Variants in RORA observed in about 807,000 individuals in gnomAD.
RORA encodes the protein nuclear receptor ROR-alpha.
A neutral mutation model predicts 69.5 loss-of-function variants in RORA; 7 were observed. That is an observed-to-expected ratio of 0.10 (90% CI 0.06 to 0.19). The LOEUF (loss-of-function observed/expected upper bound fraction) is 0.19. RORA is among the 10% of genes least tolerant of loss of function. RORA has a pLI of 1.00. For missense variants in RORA, 457 were observed against 663.0 expected, an observed-to-expected ratio of 0.69 and a Z score of 3.41; for synonymous variants, 261 against 240.8, an observed-to-expected ratio of 1.08 and a Z score of -0.78.
chr15:60,610,678 T>C (rs1466085158), intron 2 of RORA, among the ~76,000 whole-genome samples: 1 of 151,722 alleles, frequency 6.6e-6, no homozygotes, highest in Admixed American at 6.6e-5. Context: ...TGTTACTAAG[T>C]AGGCAGTGAT....
intron 1 of RORA, among the ~76,000 whole-genome samples, chr15:61,157,657 A>G (rs2079456527): frequency 6.6e-6 from 1 of 152,166 alleles, no homozygotes; most frequent in Non-Finnish European, 1.5e-5. Context: ...ACAAAGAAAA[A>G]AATCTTTGCG....
At chr15:60,539,228 C>T (rs2066781144) in intron 2 of RORA, among the ~76,000 whole-genome samples, 1 of 152,156 alleles carries the variant, frequency 6.6e-6, no homozygotes, top group African/African-American at 2.4e-5. Context: ...ATAAGGAAGC[C>T]AGGCACATCT....
intron 1 of RORA, among the ~76,000 whole-genome samples, chr15:61,193,462 G>A (rs998774145): frequency 6.6e-6 from 1 of 152,096 alleles, no homozygotes; most frequent in African/African-American, 2.4e-5. Context: ...GTCTCTTGCT[G>A]TAGAGGAACT....
At chr15:61,141,093 T>C (rs1418629730) in intron 1 of RORA, among the ~76,000 whole-genome samples, 1 of 152,198 alleles carries the variant, frequency 6.6e-6, no homozygotes, top group Non-Finnish European at 1.5e-5. Context: ...AAATCCTCTT[T>C]ATTTTTAAAG....
At chr15:60,629,184 A>ATACTTTTTTT (rs2069669914) in intron 2 of RORA, among the ~76,000 whole-genome samples, 1 of 70,290 alleles carries the variant, frequency 1.4e-5, no homozygotes, top group African/African-American at 7.1e-5. Flanking sequence ...TTGACTGTTT[A>ATACTTTTTTT]TTCTTTTTTT....
chr15:61,059,958 AGAAGAGGAAGAG>A (rs1368081138), intron 1 of RORA, among the ~76,000 whole-genome samples: 16 of 119,784 alleles, frequency 1.3e-4, no homozygotes, highest in African/African-American at 4.4e-4. Flanking sequence ...AAGAAGAAGA[AGAAGAGGAAGAG>A]GAAGAGGAAG....
chr15:61,035,635 C>T (rs538600297), intron 1 of RORA, among the ~76,000 whole-genome samples: 2 of 152,138 alleles, frequency 1.3e-5, no homozygotes, highest in African/African-American at 2.4e-5. Context: ...TGGAGGGCCC[C>T]GGCAGGTAAG....
intron 2 of RORA, among the ~76,000 whole-genome samples, chr15:60,661,960 C>A (rs890546033): frequency 3.0e-4 from 45 of 152,210 alleles, no homozygotes; most frequent in African/African-American, 1.1e-3. Flanking sequence ...AGTGGAAACA[C>A]TTAACCTCTT....
Position 60,604,915 on chromosome 15 carries a change from AC to A in RORA, c.197-73065del, listed in dbSNP as rs561399436. On this transcript the variant is annotated intron_variant, in intron 2 of 10. Coordinates refer to ENST00000335670, the MANE Select transcript of RORA (RefSeq NM_134261.3). ...CATTAGTATCTGGCACACTGTTGAT[AC>A]CCAATAATCACTGGATTGGAGTGGT... 2.0e-4 allele frequency among the ~76,000 whole-genome samples: 30 copies of A among 152,336 alleles called. 1 individual carries two copies. The East Asian group carries it at 5.8e-3, about 29-fold the overall frequency.
intron 1 of RORA, among the ~76,000 whole-genome samples, chr15:61,151,530 A>C (rs962153630): frequency 2.0e-5 from 3 of 152,238 alleles, no homozygotes; most frequent in African/African-American, 7.2e-5. Context: ...CAACTCATCC[A>C]TCTGTTCAAA....
In RORA at chr15:60,490,693, CAA is replaced by C. The variant is rs1204794990; in HGVS notation, c.*6760_*6761del. 1 of 152,056 alleles carries C rather than the reference CAA, an allele frequency of 6.6e-6. No individual in the cohort carries two copies. The highest frequency in any genetic ancestry group is 1.5e-5 in the Non-Finnish European group (1 of 67,982). 9.4% of individuals were successfully genotyped at this position (152,056 alleles called of 1,614,324 possible). On this transcript the variant is annotated 3_prime_UTR_variant, in exon 11 of 11. Coordinates refer to ENST00000335670, the MANE Select transcript of RORA (RefSeq NM_134261.3). This position sits in a 1 kb window ranked among gnomAD's most constrained non-coding sequence, Gnocchi z 4.1. ...AATTTGTATTTTTTAAGTCTATGCACAAAAGTCATTTGTTTTATTGCTTGACA... is the reference window on the plus strand; with the variant it reads ...AATTTGTATTTTTTAAGTCTATGCACAAGTCATTTGTTTTATTGCTTGACA...
chr15:61,089,532 A>C (rs2078673837), intron 1 of RORA, among the ~76,000 whole-genome samples: 1 of 152,220 alleles, frequency 6.6e-6, no homozygotes, highest in South Asian at 2.1e-4. Context: ...CAAGGTGAAA[A>C]GGATGCCTTT....
chr15:60,865,613 G>C (rs1188723593), intron 1 of RORA, among the ~76,000 whole-genome samples: 2 of 152,202 alleles, frequency 1.3e-5, no homozygotes, highest in Admixed American at 1.3e-4. Context: ...CACAGTTTAA[G>C]TGAAAGGAAT....
chr15:60,800,083 C>A (rs1292220124), intron 1 of RORA, among the ~76,000 whole-genome samples: 1 of 152,234 alleles, frequency 6.6e-6, no homozygotes, highest in Non-Finnish European at 1.5e-5. Flanking sequence ...TATTCAGCCA[C>A]CCTCACGTTG....
intron 1 of RORA, among the ~76,000 whole-genome samples, chr15:61,029,384 G>A (rs935261011): frequency 1.3e-5 from 2 of 152,116 alleles, no homozygotes; most frequent in Non-Finnish European, 2.9e-5. Context: ...ACAGGGCCCT[G>A]CCAGCCATGT....
chr15:60,578,138 C>T (rs1325977871), intron 2 of RORA, among the ~76,000 whole-genome samples: 1 of 152,126 alleles, frequency 6.6e-6, no homozygotes, highest in Non-Finnish European at 1.5e-5. Context: ...ACTTTTTGTA[C>T]TTTGTTAAAT....
At chr15:61,066,576 G>A (rs547889370) in intron 1 of RORA, among the ~76,000 whole-genome samples, 8 of 151,818 alleles carry the variant, frequency 5.3e-5, no homozygotes, top group Non-Finnish European at 8.8e-5. Flanking sequence ...ACAGGCATGC[G>A]CCACCACGCC....
chr15:61,049,646 C>CTTAT (rs1357242629), intron 1 of RORA, among the ~76,000 whole-genome samples: 1 of 151,964 alleles, frequency 6.6e-6, no homozygotes, highest in Admixed American at 6.6e-5. Flanking sequence ...GCTACAGGTA[C>CTTAT]TTCTTTCTTT....
chr15:60,518,002 A>G lies in RORA; in HGVS notation c.283-3245T>C, dbSNP rs532878389. Reference sequence around the variant, plus strand: ...TCCACCTTGCATATTTCTTCTCAGAATCCTTTCCAATTTCTTCACTACTTC... The same window carrying G: ...TCCACCTTGCATATTTCTTCTCAGAGTCCTTTCCAATTTCTTCACTACTTC... On this transcript the variant is annotated intron_variant, in intron 3 of 10. Transcript: ENST00000335670. Among the ~76,000 whole-genome samples, 3 of 152,154 alleles carry G rather than the reference A, an allele frequency of 2.0e-5. No homozygotes were observed. The South Asian group carries it at 6.2e-4, about 32-fold the overall frequency.
Sources: allele counts gnomAD v4.1 joint callset (sites outside exome capture counted in the v4.1 genomes callset), GRCh38; gene constraint gnomAD v4.1.1; non-coding constraint Gnocchi (gnomAD v3.1); transcripts MANE v1.5; gene names NCBI Gene and HGNC (gene_info 2026-07-23, HGNC 2026-07-21).